FILIP1L: variants seen among roughly 807,000 people sequenced by gnomAD.
FILIP1L encodes filamin A-interacting protein 1-like.
FILIP1L carries 55 observed loss-of-function variants against 96.6 expected under a neutral mutation model. The ratio of observed to expected loss-of-function variants is 0.57; its 90% CI spans 0.46 to 0.71. The LOEUF is 0.71. FILIP1L is among the 30% of genes least tolerant of loss of function. The probability of loss-of-function intolerance (pLI) is 0.00; values close to 1 mark genes in which losing one functional copy is unlikely to be tolerated. For synonymous variants in FILIP1L, 467 were observed against 473.9 expected (o/e 0.99, Z 0.19); for missense variants, 1,304 against 1,321.2 (o/e 0.99, Z 0.20).
chr3:99,931,090 C>A (rs1436439347), intron 1 of FILIP1L, 60 bp from the exon 2 acceptor site: 2 of 1,366,288 alleles, frequency 1.5e-6, no homozygotes, highest in Non-Finnish European at 2.0e-6. Context: ...ATAAGAGTAC[C>A]TATTACTGCT....
intron 1 of FILIP1L, among the ~76,000 whole-genome samples, chr3:99,991,588 A>G (rs981503251): frequency 4.0e-5 from 6 of 151,866 alleles, no homozygotes; most frequent in African/African-American, 1.4e-4. Context: ...TAATTTTTCA[A>G]CCCTCACCCC....
intron 4 of FILIP1L, among the ~76,000 whole-genome samples, chr3:99,890,924 C>T (rs1270633372): frequency 6.6e-6 from 1 of 152,052 alleles, no homozygotes; most frequent in Non-Finnish European, 1.5e-5. Context: ...TCCTTGAGCC[C>T]TGAGTTGAAG....
Position 100,114,443 on chromosome 3 carries a change from C to A in FILIP1L, c.-401G>T, listed in dbSNP as rs1323171755. On this transcript the variant is annotated 5_prime_UTR_variant, in exon 1 of 6. An upstream start codon of the reference 5' UTR is lost. Transcript: ENST00000477258. ...ATGAGGTGACCCAAAAGCCAGGAAC[C>A]ATCTGCGCAGAGCAGACAAGTAGAG... 1.3e-5 allele frequency: 2 copies of A among 153,018 alleles called. No individual in the cohort carries two copies. Among genetic ancestry groups the A allele is most frequent in the East Asian group, 3.8e-4 (2 of 5,208 alleles). The allele number at this position is 153,018 out of a possible 1,614,324, so 9.5% of individuals were successfully genotyped here.
At chr3:99,912,047 A>G (rs1706806026) in intron 4 of FILIP1L, among the ~76,000 whole-genome samples, 2 of 152,142 alleles carry the variant, frequency 1.3e-5, no homozygotes, top group South Asian at 4.1e-4. Flanking sequence ...ACACAGTGAA[A>G]CTTTATCTCA....
At chr3:99,926,511 T>G (rs561744920) in intron 3 of FILIP1L, among the ~76,000 whole-genome samples, 1 of 152,348 alleles carries the variant, frequency 6.6e-6, no homozygotes, top group African/African-American at 2.4e-5. Context: ...TCAACTCCTT[T>G]TGCAATTTGA....
intron 5 of FILIP1L, among the ~76,000 whole-genome samples, chr3:99,847,763 C>T (rs1943433419): frequency 6.6e-6 from 1 of 152,138 alleles, no homozygotes; most frequent in South Asian, 2.1e-4. Context: ...ATTTGAACCA[C>T]TTTTCTCTCC....
chr3:99,923,781 T>A (rs1230076813), intron 4 of FILIP1L, among the ~76,000 whole-genome samples: 1 of 152,226 alleles, frequency 6.6e-6, no homozygotes, highest in Non-Finnish European at 1.5e-5. Context: ...CAGTATAAAG[T>A]CCAGCTGCTC....
At chr3:99,985,448 C>T (rs764216342) in intron 1 of FILIP1L, among the ~76,000 whole-genome samples, 3 of 152,034 alleles carry the variant, frequency 2.0e-5, no homozygotes, top group Non-Finnish European at 4.4e-5. Context: ...TAGCTTGAGC[C>T]AAGATCATAC....
intron 1 of FILIP1L, among the ~76,000 whole-genome samples, chr3:99,978,328 A>T (rs538362501): frequency 4.6e-5 from 7 of 152,348 alleles, no homozygotes; most frequent in African/African-American, 1.7e-4. Context: ...AGAGACATCT[A>T]CACTGCCAGG....
intron 1 of FILIP1L, among the ~76,000 whole-genome samples, chr3:99,984,652 A>G (rs1383045353): frequency 6.6e-6 from 1 of 152,180 alleles, no homozygotes; most frequent in Non-Finnish European, 1.5e-5. Flanking sequence ...TGCCAAATCT[A>G]CCAAGCCTCC....
In FILIP1L at chr3:99,836,748, G is replaced by T. The variant is rs569727349; in HGVS notation, c.3382-6143C>A. ...TCCCATTACTTGAACAGTACATAGT[G>T]ATTGAACCACTATCCAGGGAGTGAT... On this transcript the variant is annotated intron_variant, in intron 5 of 5. Transcript: ENST00000477258. 7.2e-5 allele frequency among the ~76,000 whole-genome samples: 11 copies of T among 152,306 alleles called. No homozygotes were observed. In the South Asian group the frequency reaches 2.3e-3, roughly 32 times the overall value.
chr3:99,895,377 C>CTT (rs35156845), intron 4 of FILIP1L, among the ~76,000 whole-genome samples: 67 of 128,094 alleles, frequency 5.2e-4, no homozygotes, highest in East Asian at 9.2e-4. Flanking sequence ...GTCAGCAGGA[C>CTT]TTTTTTTTTT....
chr3:99,868,655 G>T (rs569585629), intron 4 of FILIP1L, among the ~76,000 whole-genome samples: 1 of 152,300 alleles, frequency 6.6e-6, no homozygotes, highest in African/African-American at 2.4e-5. Context: ...CAGTTTGGGT[G>T]CTCTGATCTT....
At position 99,849,028 on chromosome 3, in the gene FILIP1L, T is replaced by C; in HGVS notation, c.2648A>G (p.Asn883Ser). 6.2e-7 allele frequency: 1 copy of C among 1,614,082 alleles called. No homozygotes were observed. The highest frequency in any genetic ancestry group is 8.5e-7 in the Non-Finnish European group (1 of 1,179,982). Residue 883 changes from asparagine (N) to serine (S), a missense_variant, in exon 5 of 6, where the codon AAT becomes AGT. Coordinates refer to ENST00000477258, the MANE Select transcript of FILIP1L (RefSeq NM_001387850.1). ...LQNGKMQTKP[N>S]ANFVQPGDLV... ...ATCTCCAGGTTGCACAAAGTTGGCATTGGGTTTAGTTTGCATTTTTCCATT... is the reference window on the plus strand; with the variant it reads ...ATCTCCAGGTTGCACAAAGTTGGCACTGGGTTTAGTTTGCATTTTTCCATT...
chr3:99,961,983 A>T (rs1273353634), intron 1 of FILIP1L, among the ~76,000 whole-genome samples: 2 of 152,146 alleles, frequency 1.3e-5, no homozygotes, highest in African/African-American at 2.4e-5. Context: ...AAGGGCTATT[A>T]TAGGGGCCCC....
chr3:99,924,125 G>A (rs1707211594), intron 4 of FILIP1L, 105 bp downstream of exon 4: 1 of 952,100 alleles, frequency 1.1e-6, no homozygotes, highest in Non-Finnish European at 1.6e-6. Context: ...TGAGATCTTT[G>A]AGAACAGAGA....
chr3:99,837,308 G>A (rs918265632), intron 5 of FILIP1L, among the ~76,000 whole-genome samples: 2 of 152,028 alleles, frequency 1.3e-5, no homozygotes, highest in African/African-American at 4.8e-5. Context: ...GTTAGCTCCT[G>A]TTTATATAAA....
chr3:100,065,649 G>C (rs1243356510), intron 1 of FILIP1L, among the ~76,000 whole-genome samples: 1 of 151,492 alleles, frequency 6.6e-6, no homozygotes, highest in East Asian at 1.9e-4. Flanking sequence ...GTGCCCCATA[G>C]TTGTCACCAT....
intron 1 of FILIP1L, among the ~76,000 whole-genome samples, chr3:100,032,147 T>G (rs890871842): frequency 6.6e-6 from 1 of 152,166 alleles, no homozygotes; most frequent in African/African-American, 2.4e-5. Context: ...AGATTGTAGG[T>G]GTTAAAACAT....
Sources: allele counts gnomAD v4.1 joint callset (sites outside exome capture counted in the v4.1 genomes callset), GRCh38; gene constraint gnomAD v4.1.1; transcripts MANE v1.5; gene names NCBI Gene and HGNC (gene_info 2026-07-23, HGNC 2026-07-21).